The following PXN variants were observed in gnomAD, a reference collection of about 807,000 sequenced individuals.
PXN encodes the protein testicular tissue protein Li 134.
In PXN, 61 loss-of-function variants were observed where a neutral mutation model predicts 103.6. That is an observed-to-expected ratio of 0.59 (90% CI 0.48 to 0.73). The LOEUF (loss-of-function observed/expected upper bound fraction) is 0.73, where lower values mean the gene tolerates loss of function less well. Among genes scored for constraint, PXN ranks in the 30% least tolerant of loss-of-function variants. PXN has a pLI of 0.00. For missense variants in PXN, 1,274 were observed against 1,460.3 expected (o/e 0.87, Z 2.08); for synonymous variants, 562 against 607.8 (o/e 0.92, Z 1.11).
At chr12:120,262,259 T>C (rs1179566139) in intron 1 of PXN, among the ~76,000 whole-genome samples, 1 of 152,196 alleles carries the variant, frequency 6.6e-6, no homozygotes, top group African/African-American at 2.4e-5. Flanking sequence ...CAGCAGCAAC[T>C]GGGCACTGCC....
rs1594361934 is a variant in PXN at position 120,217,260 on chromosome 12, G to A, written c.1717-144C>T. On this transcript the variant is annotated intron_variant, in intron 7 of 14. Coordinates refer to ENST00000637617, the MANE Select transcript of PXN (RefSeq NM_001385981.1). This position sits in a 1 kb window ranked among gnomAD's most constrained non-coding sequence, Gnocchi z 4.1. ...GCGGAGGTGGGTGGAGGCACGGGGAGGGGGCAGATTGGACCGGTGGAGGTG... is the reference window on the plus strand; with the variant it reads ...GCGGAGGTGGGTGGAGGCACGGGGAAGGGGCAGATTGGACCGGTGGAGGTG... 4 of 709,644 alleles carry A rather than the reference G, an allele frequency of 5.6e-6. No individual in the cohort carries two copies. Among genetic ancestry groups the A allele is most frequent in the Admixed American group, 2.5e-5 (1 of 39,440 alleles). The allele number at this position is 709,644 out of a possible 1,614,324, so 44.0% of individuals were successfully genotyped here.
In PXN at chr12:120,216,392, C is replaced by G; in HGVS notation, c.2182G>C (p.Ala728Pro). 3 of 1,340,132 alleles carry G rather than the reference C, an allele frequency of 2.2e-6. No homozygotes were observed. The highest frequency in any genetic ancestry group is 9.5e-7 in the Non-Finnish European group (1 of 1,052,888). 83.0% of individuals were successfully genotyped at this position (1,340,132 alleles called of 1,614,324 possible). Residue 728 changes from alanine (A) to proline (P), a missense_variant, in exon 9 of 15, where the codon GCA (alanine) becomes CCA (proline). This residue lies in a region of PXN where 1,178 missense variants were observed against 1,309.0 expected (regional missense o/e 0.90). Transcript: ENST00000637617. The surrounding 1 kb of genome is among the most constrained non-coding windows in gnomAD (Gnocchi z 5.1). ...YTCGSSGVQS[A>P]GEEPHDEGVQ... Reference sequence around the variant, plus strand: ...CCCTCATCATGGGGCTCTTCCCCTGCACTCTGGACCCCAGAAGAACCACAG... The same window carrying G: ...CCCTCATCATGGGGCTCTTCCCCTGGACTCTGGACCCCAGAAGAACCACAG...
chr12:120,250,574 C>T lies in PXN; in HGVS notation c.13+15043G>A, dbSNP rs75979015. Among the ~76,000 whole-genome samples the T allele has an allele frequency of 3.3e-3, 505 of 152,208 alleles. 3 individuals carry two copies. The highest frequency in any genetic ancestry group is 0.012 in the African/African-American group (483 of 41,508). On this transcript the variant is annotated intron_variant, in intron 1 of 14. Transcript: ENST00000637617. ...CTCACTAATATTAGTGTTAGATGAG[C>T]GATTAGTATAAACCAAGCCACCAAG...
At chr12:120,255,563 G>A (rs1392475426) in intron 1 of PXN, among the ~76,000 whole-genome samples, 2 of 151,804 alleles carry the variant, frequency 1.3e-5, no homozygotes, top group African/African-American at 4.8e-5. Context: ...GCATGGTGGC[G>A]GGCGCCTGTA....
In PXN at chr12:120,212,138, G is replaced by A. The variant is rs2078047362; in HGVS notation, c.*176C>T. 12 of 950,570 alleles carry A rather than the reference G, an allele frequency of 1.3e-5. No individual in the cohort carries two copies. The highest frequency in any genetic ancestry group is 2.0e-5 in the Non-Finnish European group (12 of 608,708). The allele number at this position is 950,570 out of a possible 1,614,324, so 58.9% of individuals were successfully genotyped here. ...AGGAGGGGGCCCAGAGGCTCTGGCAGGGGTGAAGACAAGCAGGGGGACCCC... is the reference window on the plus strand; with the variant it reads ...AGGAGGGGGCCCAGAGGCTCTGGCAAGGGTGAAGACAAGCAGGGGGACCCC... On this transcript the variant is annotated 3_prime_UTR_variant, in exon 15 of 15. Coordinates refer to ENST00000637617, the MANE Select transcript of PXN (RefSeq NM_001385981.1). This position sits in a 1 kb window ranked among gnomAD's most constrained non-coding sequence, Gnocchi z 7.2.
rs760469123 is a variant in PXN at position 120,213,116 on chromosome 12, C to T, written c.2980-536G>A. On this transcript the variant is annotated intron_variant, in intron 14 of 14. Coordinates refer to ENST00000637617, the MANE Select transcript of PXN (RefSeq NM_001385981.1). This position sits in a 1 kb window ranked among gnomAD's most constrained non-coding sequence, Gnocchi z 4.2. ...GAGAGGGGCCGGGTGAGGTGGCTCA[C>T]ACTTGTAATCCCAGCACTTTGGGAG... 2.0e-5 allele frequency: 3 copies of T among 153,434 alleles called. No individual in the cohort carries two copies. The highest frequency in any genetic ancestry group is 2.9e-5 in the Non-Finnish European group (2 of 68,924). The allele number at this position is 153,434 out of a possible 1,614,324, so 9.5% of individuals were successfully genotyped here. A position where few individuals can be genotyped will look rare whatever the true frequency, so the allele number is the denominator to read the frequency against.
chr12:120,227,796 A>T (rs1887196890), intron 1 of PXN, among the ~76,000 whole-genome samples: 1 of 152,362 alleles, frequency 6.6e-6, no homozygotes, highest in East Asian at 1.9e-4. Flanking sequence ...GTAGACTCCT[A>T]GCTTTACTTT....
Position 120,216,190 on chromosome 12 carries a change from G to A in PXN, c.2301+83C>T, listed in dbSNP as rs1290418004. ...ATGGAGGGTATCTGTGTATGTGTGTGTGCACGTGTGTGTGTGCAGAGTGGG... is the reference window on the plus strand; with the variant it reads ...ATGGAGGGTATCTGTGTATGTGTGTATGCACGTGTGTGTGTGCAGAGTGGG... On this transcript the variant is annotated intron_variant, in intron 9 of 14. Transcript: ENST00000637617. This position sits in a 1 kb window ranked among gnomAD's most constrained non-coding sequence, Gnocchi z 5.1. 4.7e-6 allele frequency: 6 copies of A among 1,270,772 alleles called. No homozygotes were observed. The highest frequency in any genetic ancestry group is 7.7e-5 in the Admixed American group (2 of 25,852). The allele number at this position is 1,270,772 out of a possible 1,614,324, so 78.7% of individuals were successfully genotyped here. A position where few individuals can be genotyped will look rare whatever the true frequency, so the allele number is the denominator to read the frequency against.
At chr12:120,223,647 C>T in intron 3 of PXN, 71 bp downstream of exon 3, 1 of 1,267,928 alleles carries the variant, frequency 7.9e-7, no homozygotes, top group South Asian at 1.3e-5. Flanking sequence ...CCTCCGCTGC[C>T]TCCCACCCTG....
chr12:120,230,186 C>T (rs1566405990), intron 1 of PXN, among the ~76,000 whole-genome samples: 2 of 152,220 alleles, frequency 1.3e-5, no homozygotes, highest in Non-Finnish European at 2.9e-5. Context: ...GAGCAGCAAG[C>T]ACCGCCCTGA....
chr12:120,252,860 T>C (rs1456228060), intron 1 of PXN, among the ~76,000 whole-genome samples: 1 of 151,932 alleles, frequency 6.6e-6, no homozygotes, highest in Admixed American at 6.6e-5. Flanking sequence ...TAGATGGGCG[T>C]GGTGGCGGGC....
rs1894075907 is a variant in PXN, at chr12:120,262,799, C to T, written c.13+2818G>A. Among the ~76,000 whole-genome samples the T allele has an allele frequency of 3.3e-5, 5 of 152,098 alleles. No individual in the cohort carries two copies. In the South Asian group the frequency reaches 1.0e-3, roughly 32 times the overall value. ...AACTCCGGCCAGAACTTGAACAGAG[C>T]GAACTCTGGGCCAAACCAGCATCTA... On this transcript the variant is annotated intron_variant, in intron 1 of 14. Coordinates refer to ENST00000637617, the MANE Select transcript of PXN (RefSeq NM_001385981.1).
chr12:120,224,692 C>T lies in PXN; in HGVS notation c.14-315G>A, dbSNP rs1428830323. On this transcript the variant is annotated intron_variant, in intron 1 of 14. Transcript: ENST00000637617. This position sits in a 1 kb window ranked among gnomAD's most constrained non-coding sequence, Gnocchi z 5.0. The stretch of plus-strand genomic sequence containing the variant: ...TGCGTTCCCTCCTGACAGGGCCGCG[C>T]AGCCGCGAGTGAAGTGCCTGTCTGG... 2 of 605,856 alleles carry T rather than the reference C, an allele frequency of 3.3e-6. No homozygotes were observed. Among genetic ancestry groups the T allele is most frequent in the Non-Finnish European group, 6.2e-6 (2 of 323,674 alleles). The allele number at this position is 605,856 out of a possible 1,614,324, so 37.5% of individuals were successfully genotyped here.
chr12:120,215,890 T>G lies in PXN; in HGVS notation c.2302-229A>C. On this transcript the variant is annotated intron_variant, in intron 9 of 14. Coordinates refer to ENST00000637617, the MANE Select transcript of PXN (RefSeq NM_001385981.1). This position sits in a 1 kb window ranked among gnomAD's most constrained non-coding sequence, Gnocchi z 4.9. ...GGGAGTCGACCAAAGGCAGAGGAAATGGCAAGGGGAGGTGGCCGGGCTCAG... is the reference window on the plus strand; with the variant it reads ...GGGAGTCGACCAAAGGCAGAGGAAAGGGCAAGGGGAGGTGGCCGGGCTCAG... 2 of 1,357,902 alleles carry G rather than the reference T, an allele frequency of 1.5e-6. No individual in the cohort carries two copies. Among genetic ancestry groups the G allele is most frequent in the East Asian group, 2.7e-5 (1 of 36,450 alleles). The allele number at this position is 1,357,902 out of a possible 1,614,324, so 84.1% of individuals were successfully genotyped here.
chr12:120,244,054 C>T (rs951610444), intron 1 of PXN, among the ~76,000 whole-genome samples: 3 of 151,612 alleles, frequency 2.0e-5, no homozygotes, highest in African/African-American at 7.3e-5. Flanking sequence ...ATGCCACCTC[C>T]TGGTCCTCCC....
chr12:120,223,093 G>C, intron 3 of PXN, 94 bp from the exon 4 acceptor site: 2 of 1,593,216 alleles, frequency 1.3e-6, no homozygotes, highest in Non-Finnish European at 1.7e-6. Context: ...ACAAGGCAGA[G>C]GAGATGCGAA....
chr12:120,242,476 C>T (rs754920850), intron 1 of PXN, among the ~76,000 whole-genome samples: 5 of 152,194 alleles, frequency 3.3e-5, no homozygotes, highest in African/African-American at 4.8e-5. Flanking sequence ...CGGCTCACCA[C>T]TGGGGCCAGA....
chr12:120,224,571 ACTT>A lies in PXN; in HGVS notation c.14-197_14-195del, dbSNP rs1295450512. ...AACCAAGAGCCGGCTCCCAAAGCTA[ACTT>A]CTTCTGGCCACCCAGGACTGAAAGT... On this transcript the variant is annotated intron_variant, in intron 1 of 14. Transcript: ENST00000637617. The surrounding 1 kb of genome is among the most constrained non-coding windows in gnomAD (Gnocchi z 5.0). 23 of 701,794 alleles carry A rather than the reference ACTT, an allele frequency of 3.3e-5. No individual in the cohort carries two copies. The Admixed American group carries it at 4.6e-4, about 14-fold the overall frequency. The allele number at this position is 701,794 out of a possible 1,614,324, so 43.5% of individuals were successfully genotyped here. A position where few individuals can be genotyped will look rare whatever the true frequency, so the allele number is the denominator to read the frequency against.
chr12:120,214,947 G>A lies in PXN; in HGVS notation c.2626C>T (p.His876Tyr), dbSNP rs1037299500. Residue 876 changes from histidine to tyrosine, a missense_variant, in exon 12 of 15, where the codon CAC (histidine) becomes TAC (tyrosine). By Grantham distance (83) the His-to-Tyr change is moderately conservative. Around this residue, in one of 2 missense-constraint regions of PXN, gnomAD observed 1,178 missense variants for 1,309.0 expected, o/e 0.90. Coordinates refer to ENST00000637617, the MANE Select transcript of PXN (RefSeq NM_001385981.1). This position sits in a 1 kb window ranked among gnomAD's most constrained non-coding sequence, Gnocchi z 5.0. Reference sequence around the variant, plus strand: ...CGGGATCCGATCTCCTCCTGGCAGTGGGTGCAGACGAAGTGCTCGGGGTGC... The same window carrying A: ...CGGGATCCGATCTCCTCCTGGCAGTAGGTGCAGACGAAGTGCTCGGGGTGC... ...TWHPEHFVCT[H>Y]CQEEIGSRNF... is the part of the protein sequence containing the mutation. 4 of 1,613,910 alleles carry A rather than the reference G, an allele frequency of 2.5e-6. No homozygotes were observed. The African/African-American group carries it at 5.3e-5, about 22-fold the overall frequency.
Sources: allele counts gnomAD v4.1 joint callset (sites outside exome capture counted in the v4.1 genomes callset), GRCh38; gene constraint gnomAD v4.1.1; regional missense constraint gnomAD v4.1.1; non-coding constraint Gnocchi (gnomAD v3.1); transcripts MANE v1.5; gene names NCBI Gene and HGNC (gene_info 2026-07-23, HGNC 2026-07-21).